NRG3: variants seen among roughly 807,000 people sequenced by gnomAD.
The protein encoded by NRG3 is neuregulin 3, also known as pro-neuregulin-3, membrane-bound isoform.
In NRG3, 31 loss-of-function variants were observed where a neutral mutation model predicts 66.9. That is an observed-to-expected ratio of 0.46 (90% CI 0.35 to 0.63). NRG3 has a LOEUF of 0.63. Among genes scored for constraint, NRG3 ranks in the 20% least tolerant of loss-of-function variants. NRG3 has a pLI of 0.00. For synonymous variants in NRG3, 393 were observed against 359.4 expected (o/e 1.09, Z -1.06); for missense variants, 910 against 878.9 (o/e 1.04, Z -0.45).
intron 2 of NRG3, among the ~76,000 whole-genome samples, chr10:82,501,997 G>C (rs549147039): frequency 6.6e-6 from 1 of 152,112 alleles, no homozygotes; most frequent in South Asian, 2.1e-4. Flanking sequence ...ATTGCTGAAG[G>C]ACTGAATCAA....
At chr10:82,667,074 C>T (rs544203122) in intron 2 of NRG3, among the ~76,000 whole-genome samples, 2 of 152,252 alleles carry the variant, frequency 1.3e-5, no homozygotes, top group African/African-American at 4.8e-5. Context: ...CACAGCAGAG[C>T]GCCCCTGCCT....
At chr10:82,280,600 T>C (rs1046060117) in intron 1 of NRG3, among the ~76,000 whole-genome samples, 33 of 152,176 alleles carry the variant, frequency 2.2e-4, no homozygotes, top group African/African-American at 6.3e-4. Flanking sequence ...CCCTATGTTT[T>C]TGATGGTCAT....
chr10:82,564,641 T>C (rs995747623), intron 2 of NRG3, among the ~76,000 whole-genome samples: 2 of 152,138 alleles, frequency 1.3e-5, no homozygotes, highest in African/African-American at 4.8e-5. Flanking sequence ...ACACTCTATC[T>C]TGTTGCTCTT....
chr10:82,780,590 GA>G (rs1247380211), intron 3 of NRG3, among the ~76,000 whole-genome samples: 1 of 150,730 alleles, frequency 6.6e-6, no homozygotes, highest in Non-Finnish European at 1.5e-5. Context: ...AGAGACTCTG[GA>G]TCCTAGTTCA....
At chr10:82,824,801 T>C (rs1280223355) in intron 3 of NRG3, among the ~76,000 whole-genome samples, 1 of 151,916 alleles carries the variant, frequency 6.6e-6, no homozygotes, top group Non-Finnish European at 1.5e-5. Flanking sequence ...ACTTCAGCCT[T>C]GACCTCCTGG....
chr10:82,219,981 T>TACAC (rs1046772230), intron 1 of NRG3, among the ~76,000 whole-genome samples: 2 of 151,954 alleles, frequency 1.3e-5, no homozygotes, highest in African/African-American at 4.8e-5. Flanking sequence ...TATATATGTA[T>TACAC]ACACACACAC....
chr10:82,915,574 T>G (rs1164714967), intron 4 of NRG3, among the ~76,000 whole-genome samples: 1 of 152,210 alleles, frequency 6.6e-6, no homozygotes, highest in Non-Finnish European at 1.5e-5. Flanking sequence ...AAATATTGTG[T>G]AATTTTTCTA....
chr10:82,180,759 A>T (rs116945083), intron 1 of NRG3, among the ~76,000 whole-genome samples: 3,345 of 151,994 alleles, frequency 0.022, 54 homozygotes, highest in Middle Eastern at 0.037. Context: ...AGCCTTATAC[A>T]TGAGTTTGGA....
At chr10:82,027,476 A>G (rs1475978644) in intron 1 of NRG3, among the ~76,000 whole-genome samples, 1 of 152,070 alleles carries the variant, frequency 6.6e-6, no homozygotes, top group African/African-American at 2.4e-5. Flanking sequence ...AGGCTTATTA[A>G]CTGAACTCGT....
At chr10:81,967,293 C>G (rs980886592) in intron 1 of NRG3, among the ~76,000 whole-genome samples, 4 of 151,630 alleles carry the variant, frequency 2.6e-5, no homozygotes, top group Non-Finnish European at 5.9e-5. Context: ...GAAGATTTAT[C>G]TTAACATTTT....
chr10:82,461,626 G>A (rs1259609234), intron 2 of NRG3, among the ~76,000 whole-genome samples: 1 of 152,120 alleles, frequency 6.6e-6, no homozygotes, highest in African/African-American at 2.4e-5. Flanking sequence ...ATTCAAGCTG[G>A]TATTTATCTA....
At chr10:82,317,769 A>C (rs1019790754) in intron 1 of NRG3, among the ~76,000 whole-genome samples, 1 of 152,176 alleles carries the variant, frequency 6.6e-6, no homozygotes, top group Non-Finnish European at 1.5e-5. Context: ...TTATTTGCCA[A>C]AGTTAAGGAC....
rs146567957 is a variant in NRG3, at chr10:82,639,714, G to T, written c.954-98863G>T. Among the ~76,000 whole-genome samples, 525 of 152,198 alleles carry T rather than the reference G, an allele frequency of 3.4e-3. 1 individual carries two copies. Among genetic ancestry groups the T allele is most frequent in the Non-Finnish European group, 5.7e-3 (387 of 67,996 alleles). The stretch of plus-strand genomic sequence containing the variant: ...CAAACCAAATTTAACCCCCTTTTAA[G>T]ATTTTCTTGGCTGTAAGAATTTCTT... On this transcript the variant is annotated intron_variant, in intron 2 of 8. Transcript: ENST00000372141.
chr10:82,067,720 G>C (rs1486412727), intron 1 of NRG3, among the ~76,000 whole-genome samples: 1 of 152,186 alleles, frequency 6.6e-6, no homozygotes, highest in African/African-American at 2.4e-5. Flanking sequence ...CACCAAATCA[G>C]AACTGTTAGA....
chr10:82,918,333 T>C (rs1846087403), intron 4 of NRG3, among the ~76,000 whole-genome samples: 1 of 152,112 alleles, frequency 6.6e-6, no homozygotes, highest in Middle Eastern at 3.2e-3. Context: ...TTCAATACCA[T>C]CCTCACTAGA....
chr10:82,872,759 G>T (rs2135997412), intron 4 of NRG3, among the ~76,000 whole-genome samples: 1 of 152,028 alleles, frequency 6.6e-6, no homozygotes, highest in East Asian at 1.9e-4. Context: ...CAATTGAATG[G>T]GCTTGGAAAG....
intron 2 of NRG3, among the ~76,000 whole-genome samples, chr10:82,603,779 C>G (rs1217777205): frequency 6.6e-6 from 1 of 151,958 alleles, no homozygotes; most frequent in East Asian, 1.9e-4. Context: ...AAATAGAATA[C>G]TTGGATAAAA....
chr10:82,940,603 A>G lies in NRG3; in HGVS notation c.1055-10866A>G, dbSNP rs115808736. ...GTACCCTACACTGCATAGCTTATAA[A>G]CAACAGGCATTTATTTGTCAGTTCT... is the stretch of plus-strand genomic sequence containing the variant. On this transcript the variant is annotated intron_variant, in intron 4 of 8. Coordinates refer to ENST00000372141, the MANE Select transcript of NRG3 (RefSeq NM_001010848.4). Among the ~76,000 whole-genome samples, 1,258 of 152,280 alleles carry G rather than the reference A, an allele frequency of 8.3e-3. 21 individuals carry two copies. The highest frequency in any genetic ancestry group is 0.029 in the African/African-American group (1,215 of 41,542).
intron 1 of NRG3, among the ~76,000 whole-genome samples, chr10:82,233,082 C>G (rs1204990455): frequency 6.6e-6 from 1 of 152,086 alleles, no homozygotes; most frequent in African/African-American, 2.4e-5. Context: ...TAAGTATTGG[C>G]GGCTGTTCGC....
Sources: allele counts gnomAD v4.1 joint callset (sites outside exome capture counted in the v4.1 genomes callset), GRCh38; gene constraint gnomAD v4.1.1; transcripts MANE v1.5; gene names NCBI Gene and HGNC (gene_info 2026-07-23, HGNC 2026-07-21).